Variants in CDK9 observed in about 807,000 individuals in gnomAD.
CDK9 encodes cyclin dependent kinase 9.
In CDK9, 34 loss-of-function variants were observed where a neutral mutation model predicts 39.0. The ratio of observed to expected loss-of-function variants is 0.87; its 90% CI spans 0.66 to 1.16. The LOEUF is 1.16. CDK9 is among the 50% of genes most tolerant of loss of function. The pLI, the probability that CDK9 is intolerant of heterozygous loss-of-function variation, is 0.00. For synonymous variants in CDK9, 233 were observed against 196.2 expected (o/e 1.19, Z -1.57); for missense variants, 369 against 503.2 (o/e 0.73, Z 2.55).
chr9:127,787,125 T>C (rs1292610610), intron 2 of CDK9, among the ~76,000 whole-genome samples: 3 of 152,240 alleles, frequency 2.0e-5, no homozygotes, highest in South Asian at 2.1e-4. Context: ...AATTATTTAA[T>C]GTATTTAAAA....
Position 127,786,784 on chromosome 9 carries a change from T to C in CDK9, c.174+2T>C. The C allele has an allele frequency of 6.2e-7, 1 of 1,612,772 alleles. No individual in the cohort carries two copies. Among genetic ancestry groups the C allele is most frequent in the Non-Finnish European group, 8.5e-7 (1 of 1,179,478 alleles). On this transcript the variant is annotated splice_donor_variant, in intron 2 of 6. Transcript: ENST00000373264. LOFTEE classifies it high-confidence loss of function. Reference sequence around the variant, plus strand: ...CTGATGGAAAACGAGAAGGAGGGGGTGAGTACGGATCGGGCGTGCGGGCCG... The same window carrying C: ...CTGATGGAAAACGAGAAGGAGGGGGCGAGTACGGATCGGGCGTGCGGGCCG...
Position 127,787,999 on chromosome 9 carries a change from C to T in CDK9, c.318C>T (p.Cys106=), listed in dbSNP as rs780150458. The change falls in exon 4 of 7, where the codon TGC becomes TGT. Residue 106 remains cysteine, a synonymous_variant. Transcript: ENST00000373264. ...GTATATACCTGGTGTTCGACTTCTG[C>T]GAGCATGACCTTGCTGGGCTGTTGA... is the stretch of plus-strand genomic sequence containing the variant. ...KGSIYLVFDF[C]EHDLAGLLSN... 26 of 1,614,054 alleles carry T rather than the reference C, an allele frequency of 1.6e-5. No individual in the cohort carries two copies. The highest frequency in any genetic ancestry group is 6.6e-5 in the South Asian group (6 of 91,084).
Position 127,789,565 on chromosome 9 carries a change from G to C in CDK9, c.*22G>C, listed in dbSNP as rs1452764944. Reference sequence around the variant, plus strand: ...CTGAGGGCCGGCGCTTGCCACTAGGGCTCTTGTGTTTTTTTTCTTCTGCTA... The same window carrying C: ...CTGAGGGCCGGCGCTTGCCACTAGGCCTCTTGTGTTTTTTTTCTTCTGCTA... On this transcript the variant is annotated 3_prime_UTR_variant, in exon 7 of 7. Transcript: ENST00000373264. This position sits in a 1 kb window ranked among gnomAD's most constrained non-coding sequence, Gnocchi z 5.2. The C allele has an allele frequency of 1.2e-6, 2 of 1,603,208 alleles. No homozygotes were observed. Among genetic ancestry groups the C allele is most frequent in the Admixed American group, 1.7e-5 (1 of 58,864 alleles).
chr9:127,786,073 T>G lies in CDK9; in HGVS notation c.-76T>G. The G allele has an allele frequency of 9.2e-7, 1 of 1,092,350 alleles. No individual in the cohort carries two copies. The highest frequency in any genetic ancestry group is 1.3e-6 in the Non-Finnish European group (1 of 767,340). The allele number at this position is 1,092,350 out of a possible 1,614,324, so 67.7% of individuals were successfully genotyped here. A position where few individuals can be genotyped will look rare whatever the true frequency, so the allele number is the denominator to read the frequency against. On this transcript the variant is annotated 5_prime_UTR_variant, in exon 1 of 7. Coordinates refer to ENST00000373264, the MANE Select transcript of CDK9 (RefSeq NM_001261.4). ...GGCGCGGCCGCGGAGGGGCCTGGAGTGCGGCGGCGGCGGGACCCGGAGCAG... is the reference window on the plus strand; with the variant it reads ...GGCGCGGCCGCGGAGGGGCCTGGAGGGCGGCGGCGGCGGGACCCGGAGCAG...
rs1340812809 is a variant in CDK9, at chr9:127,789,830, G to A, written c.*287G>A. Reference sequence around the variant, plus strand: ...CCAGTGACTTTTTCTAAGAGCTCCCGGCGTGGTGGAAGAGGGGACAGGTCC... The same window carrying A: ...CCAGTGACTTTTTCTAAGAGCTCCCAGCGTGGTGGAAGAGGGGACAGGTCC... On this transcript the variant is annotated 3_prime_UTR_variant, in exon 7 of 7. Coordinates refer to ENST00000373264, the MANE Select transcript of CDK9 (RefSeq NM_001261.4). The surrounding 1 kb of genome is among the most constrained non-coding windows in gnomAD (Gnocchi z 5.2). 1.2e-5 allele frequency: 5 copies of A among 417,874 alleles called. No homozygotes were observed. The highest frequency in any genetic ancestry group is 5.0e-5 in the East Asian group (1 of 20,020). The allele number at this position is 417,874 out of a possible 1,614,324, so 25.9% of individuals were successfully genotyped here. A position where few individuals can be genotyped will look rare whatever the true frequency, so the allele number is the denominator to read the frequency against.
chr9:127,788,562 C>T lies in CDK9; in HGVS notation c.623C>T (p.Pro208Leu). ...ELLLGERDYG[P>L]PIDLWGAGCI... ...TTCCCAGGGGAGCGGGACTACGGCC[C>T]CCCCATTGACCTGTGGGGTGCTGGG... Residue 208 changes from proline to leucine, a missense_variant, in exon 6 of 7, where the codon CCC becomes CTC. By Grantham distance (98) the Pro-to-Leu change is moderately conservative (BLOSUM62 -3). Transcript: ENST00000373264. The T allele has an allele frequency of 6.4e-7, 1 of 1,572,126 alleles. No homozygotes were observed. The highest frequency in any genetic ancestry group is 2.3e-5 in the East Asian group (1 of 43,302).
chr9:127,788,533 C>A lies in CDK9; in HGVS notation c.605-11C>A. Reference sequence around the variant, plus strand: ...GCTCAAGGGGCCCTCCTGGTGCGCTCTTCTTCCCAGGGGAGCGGGACTACG... The same window carrying A: ...GCTCAAGGGGCCCTCCTGGTGCGCTATTCTTCCCAGGGGAGCGGGACTACG... On this transcript the variant is annotated splice_polypyrimidine_tract_variant and intron_variant, in intron 5 of 6. Coordinates refer to ENST00000373264, the MANE Select transcript of CDK9 (RefSeq NM_001261.4). 6.4e-7 allele frequency: 1 copy of A among 1,554,678 alleles called. No homozygotes were observed. The highest frequency in any genetic ancestry group is 8.7e-7 in the Non-Finnish European group (1 of 1,148,964).
chr9:127,789,332 G>C lies in CDK9; in HGVS notation c.908G>C (p.Arg303Pro). ...CTGCTGGTGCTGGACCCTGCCCAGC[G>C]CATCGACAGCGATGACGCCCTCAAC... ...DKLLVLDPAQ[R>P]IDSDDALNHD... The change falls in exon 7 of 7, where the codon CGC becomes CCC. Residue 303 changes from arginine to proline, a missense_variant. Physicochemically the swap from Arg to Pro is moderately radical, Grantham distance 103. Transcript: ENST00000373264. This position sits in a 1 kb window ranked among gnomAD's most constrained non-coding sequence, Gnocchi z 5.2. The C allele has an allele frequency of 6.2e-7, 1 of 1,613,888 alleles. No homozygotes were observed. The highest frequency in any genetic ancestry group is 8.5e-7 in the Non-Finnish European group (1 of 1,180,030).
Position 127,786,734 on chromosome 9 carries a change from C to G in CDK9, c.126C>G (p.Gly42=), listed in dbSNP as rs1829328833. 1 of 1,614,058 alleles carries G rather than the reference C, an allele frequency of 6.2e-7. No individual in the cohort carries two copies. The highest frequency in any genetic ancestry group is 2.2e-5 in the East Asian group (1 of 44,880). ...EVFKARHRKT[G]QKVALKKVLM... is the part of the protein sequence containing the mutation. ...TCAAGGCCAGGCACCGCAAGACCGG[C>G]CAGAAGGTGGCTCTGAAGAAGGTGC... Residue 42 remains glycine, a synonymous_variant, in exon 2 of 7, where the codon GGC becomes GGG. Coordinates refer to ENST00000373264, the MANE Select transcript of CDK9 (RefSeq NM_001261.4).
At chr9:127,786,310 G>T in intron 1 of CDK9, 70 bp downstream of exon 1, 1 of 1,148,944 alleles carries the variant, frequency 8.7e-7, no homozygotes, top group South Asian at 1.3e-5. Flanking sequence ...GGATGCCCGG[G>T]CCCCCCCCGA....
chr9:127,788,505 C>A, intron 5 of CDK9, 39 bp from the exon 6 acceptor site: 1 of 1,533,114 alleles, frequency 6.5e-7, no homozygotes. Flanking sequence ...AGGAGGCCCT[C>A]GGGCTCAAGG....
Position 127,790,536 on chromosome 9 carries a change from G to A in CDK9, c.*993G>A, listed in dbSNP as rs897888538. The A allele has an allele frequency of 2.0e-5, 3 of 152,248 alleles. No homozygotes were observed. The highest frequency in any genetic ancestry group is 1.9e-4 in the East Asian group (1 of 5,184). 9.4% of individuals were successfully genotyped at this position (152,248 alleles called of 1,614,324 possible). A position where few individuals can be genotyped will look rare whatever the true frequency, so the allele number is the denominator to read the frequency against. On this transcript the variant is annotated 3_prime_UTR_variant, in exon 7 of 7. Coordinates refer to ENST00000373264, the MANE Select transcript of CDK9 (RefSeq NM_001261.4). ...GTTTGGACGGGGGTGGGGAGTATGT[G>A]GGAGAAAAAAACAGACTGAAGGTAG... is the stretch of plus-strand genomic sequence containing the variant.
chr9:127,786,615 C>T, intron 1 of CDK9, 86 bp from the exon 2 acceptor site: 1 of 1,210,642 alleles, frequency 8.3e-7, no homozygotes, highest in South Asian at 1.3e-5. Flanking sequence ...AATCTCTTTG[C>T]TGCTGCCCCT....
chr9:127,787,908 G>T, intron 3 of CDK9, 39 bp from the exon 4 acceptor site: 1 of 1,607,030 alleles, frequency 6.2e-7, no homozygotes, highest in East Asian at 2.2e-5. Context: ...TGTTGGGTGT[G>T]GTTTTCTTGA....
At chr9:127,787,141 G>C (rs1048529753) in intron 2 of CDK9, among the ~76,000 whole-genome samples, 2 of 152,048 alleles carry the variant, frequency 1.3e-5, no homozygotes, top group African/African-American at 4.8e-5. Context: ...TAAAAGGAGC[G>C]GTCCCTTCTC....
intron 2 of CDK9, among the ~76,000 whole-genome samples, 185 bp downstream of exon 2, chr9:127,786,967 AG>A (rs1398711574): frequency 8.5e-5 from 13 of 152,194 alleles, no homozygotes; most frequent in Non-Finnish European, 1.8e-4. Flanking sequence ...GTTATGGGTG[AG>A]GCCAGGAGGG....
At chr9:127,788,787 G>C (rs886693699) in intron 6 of CDK9, 95 bp downstream of exon 6, 1 of 1,317,496 alleles carries the variant, frequency 7.6e-7, no homozygotes, top group Non-Finnish European at 1.0e-6. Flanking sequence ...CTCTCTGGAA[G>C]GGAGGCTGGT....
rs1588538002 is a variant in CDK9, at chr9:127,787,439, C to T, written c.175-79C>T. ...CCCATGATCTTGCTCTGTCTCCCAACTTGGCTGTCAGTACAGACCCCAGGG... is the reference window on the plus strand; with the variant it reads ...CCCATGATCTTGCTCTGTCTCCCAATTTGGCTGTCAGTACAGACCCCAGGG... On this transcript the variant is annotated intron_variant, in intron 2 of 6. Coordinates refer to ENST00000373264, the MANE Select transcript of CDK9 (RefSeq NM_001261.4). The T allele has an allele frequency of 2.0e-5, 18 of 884,780 alleles. No individual in the cohort carries two copies. The South Asian group carries it at 2.7e-4, about 13-fold the overall frequency. The allele number at this position is 884,780 out of a possible 1,614,324, so 54.8% of individuals were successfully genotyped here.
Position 127,789,744 on chromosome 9 carries a change from T to C in CDK9, c.*201T>C. ...GGAGGGCACTGGAGCTGTCTTGTCC[T>C]TGCTGGTTTTCTGGATGGTTCCCAG... On this transcript the variant is annotated 3_prime_UTR_variant, in exon 7 of 7. Transcript: ENST00000373264. The surrounding 1 kb of genome is among the most constrained non-coding windows in gnomAD (Gnocchi z 5.2). 1.5e-6 allele frequency: 1 copy of C among 687,274 alleles called. No homozygotes were observed. Among genetic ancestry groups the C allele is most frequent in the Non-Finnish European group, 2.4e-6 (1 of 423,956 alleles). 42.6% of individuals were successfully genotyped at this position (687,274 alleles called of 1,614,324 possible).
Sources: gnomAD v4.1 joint callset for allele counts (sites outside exome capture counted in the v4.1 genomes callset) on GRCh38, gnomAD v4.1.1 for gene constraint, Gnocchi (gnomAD v3.1) non-coding constraint, MANE v1.5 for transcripts, NCBI Gene and HGNC (gene_info 2026-07-23, HGNC 2026-07-21) for gene names.